FSTL4: variants seen among roughly 807,000 people sequenced by gnomAD.
The protein encoded by FSTL4 is follistatin like 4, also known as follistatin-related protein 4.
Under a neutral mutation model 78.2 loss-of-function variants are expected in FSTL4, and 28 were observed. That is an observed-to-expected ratio of 0.36 (90% CI 0.27 to 0.49). The LOEUF (loss-of-function observed/expected upper bound fraction) is 0.49, where lower values mean the gene tolerates loss of function less well. Ranked by LOEUF, FSTL4 falls within the 20% of genes least tolerant of loss-of-function variation. The pLI is 0.98. For missense variants in FSTL4, 922 were observed against 1,084.9 expected (o/e 0.85, Z 2.11); for synonymous variants, 422 against 440.5 (o/e 0.96, Z 0.53).
chr5:133,639,281 A>G, the FSTL4 span, among the ~76,000 whole-genome samples: 1 of 152,138 alleles, frequency 6.6e-6, no homozygotes, highest in African/African-American at 2.4e-5. Flanking sequence ...ACTTTTATCT[A>G]TTGGGTTCAT....
At chr5:133,470,154 A>G (rs1171390357) in intron 3 of FSTL4, among the ~76,000 whole-genome samples, 3 of 152,074 alleles carry the variant, frequency 2.0e-5, no homozygotes, top group African/African-American at 7.3e-5. Flanking sequence ...CTTCCAGTCA[A>G]CCCTTGTGCT....
chr5:133,415,748 G>A (rs913364253), intron 3 of FSTL4, among the ~76,000 whole-genome samples: 3 of 152,166 alleles, frequency 2.0e-5, no homozygotes, highest in Non-Finnish European at 2.9e-5. Context: ...CGTGGCAGGG[G>A]CAGGAGGTTA....
chr5:133,231,188 A>T (rs1751485968), intron 8 of FSTL4, among the ~76,000 whole-genome samples: 2 of 152,048 alleles, frequency 1.3e-5, no homozygotes, highest in South Asian at 2.1e-4. Context: ...TGGAAAAAAA[A>T]AAAAACCCTT....
chr5:133,292,249 G>A (rs1004938083), intron 6 of FSTL4, among the ~76,000 whole-genome samples: 1 of 152,170 alleles, frequency 6.6e-6, no homozygotes, highest in African/African-American at 2.4e-5. Context: ...TCTCTGACCC[G>A]TGGCTCCCAA....
In FSTL4 at chr5:133,225,907, G is replaced by C. The variant is rs1751318673; in HGVS notation, c.1016-88C>G. On this transcript the variant is annotated intron_variant, in intron 8 of 15. Coordinates refer to ENST00000265342, the MANE Select transcript of FSTL4 (RefSeq NM_015082.2). This position sits in a 1 kb window ranked among gnomAD's most constrained non-coding sequence, Gnocchi z 4.6. ...CCCAACCTGAGACCCTGCTCCAGAGGGGGTGAACCCAAGTAGGTGACTGGA... is the reference window on the plus strand; with the variant it reads ...CCCAACCTGAGACCCTGCTCCAGAGCGGGTGAACCCAAGTAGGTGACTGGA... 7 of 1,021,460 alleles carry C rather than the reference G, an allele frequency of 6.9e-6. No homozygotes were observed. The Admixed American group carries it at 1.4e-4, about 20-fold the overall frequency. 63.3% of individuals were successfully genotyped at this position (1,021,460 alleles called of 1,614,324 possible).
chr5:133,471,175 T>C lies in FSTL4; in HGVS notation c.161-70189A>G, dbSNP rs1244001909. On this transcript the variant is annotated intron_variant, in intron 3 of 15. Transcript: ENST00000265342. ...ATTTTTTTGCATTAATTTTGATTTG[T>C]AAAATATTGCATTAAAATATTATTT... Among the ~76,000 whole-genome samples the C allele has an allele frequency of 2.0e-5, 3 of 152,226 alleles. No homozygotes were observed. In the East Asian group the frequency reaches 5.8e-4, roughly 29 times the overall value.
chr5:133,665,791 T>C, the FSTL4 span, among the ~76,000 whole-genome samples: 1 of 152,336 alleles, frequency 6.6e-6, no homozygotes, highest in East Asian at 1.9e-4. Context: ...CCCCCTCCTC[T>C]GTATTCTAAA....
chr5:133,593,054 G>T (rs1456061763), intron 2 of FSTL4, among the ~76,000 whole-genome samples: 1 of 152,140 alleles, frequency 6.6e-6, no homozygotes, highest in Non-Finnish European at 1.5e-5. Flanking sequence ...GGCCACCGGG[G>T]TGGTAGTGTC....
At chr5:133,308,344 T>C (rs541181974) in intron 6 of FSTL4, among the ~76,000 whole-genome samples, 78 of 152,358 alleles carry the variant, frequency 5.1e-4, no homozygotes, top group Admixed American at 7.2e-4. Flanking sequence ...AAATTTTTGA[T>C]GAACCCCATG....
At chr5:133,353,805 C>T (rs1238338793) in intron 4 of FSTL4, among the ~76,000 whole-genome samples, 1 of 152,246 alleles carries the variant, frequency 6.6e-6, no homozygotes, top group Admixed American at 6.5e-5. Flanking sequence ...CTTTGTTCAC[C>T]ACGGGCCTCT....
At chr5:133,666,802 T>C in the FSTL4 span, among the ~76,000 whole-genome samples, 1 of 152,196 alleles carries the variant, frequency 6.6e-6, no homozygotes, top group African/African-American at 2.4e-5. Context: ...GAATAGAAAT[T>C]AAGAAGGTTG....
intron 6 of FSTL4, chr5:133,270,249 C>T (rs1376282528): frequency 2.0e-5 from 3 of 152,096 alleles, no homozygotes; most frequent in African/African-American, 7.2e-5. Context: ...CTTAAATCAC[C>T]GTGTTGTCAT....
At chr5:133,332,115 G>C (rs1449689896) in intron 4 of FSTL4, among the ~76,000 whole-genome samples, 1 of 152,220 alleles carries the variant, frequency 6.6e-6, no homozygotes, top group Non-Finnish European at 1.5e-5. Flanking sequence ...CAGCAAACCA[G>C]GTGTGGGTCC....
At chr5:133,523,551 G>C (rs1309010722) in intron 3 of FSTL4, among the ~76,000 whole-genome samples, 1 of 152,006 alleles carries the variant, frequency 6.6e-6, no homozygotes, top group African/African-American at 2.4e-5. Context: ...AATCCAGGCT[G>C]TTACGCCTAT....
At chr5:133,595,892 G>A (rs763905794) in intron 2 of FSTL4, among the ~76,000 whole-genome samples, 8 of 152,212 alleles carry the variant, frequency 5.3e-5, no homozygotes, top group Non-Finnish European at 1.0e-4. Context: ...AGCCTCCGGG[G>A]CCCTCTGAGT....
the FSTL4 span, among the ~76,000 whole-genome samples, chr5:133,739,421 A>G: frequency 2.6e-5 from 4 of 152,184 alleles, no homozygotes; most frequent in Admixed American, 2.0e-4. Flanking sequence ...CACTGCCAGC[A>G]GAACATCAAG....
At chr5:133,825,628 G>T in the FSTL4 span, among the ~76,000 whole-genome samples, 1 of 152,196 alleles carries the variant, frequency 6.6e-6, no homozygotes, top group Non-Finnish European at 1.5e-5. Context: ...TCCTAACAAG[G>T]CTTCACCAGG....
chr5:133,769,875 C>A, the FSTL4 span, among the ~76,000 whole-genome samples: 56 of 152,150 alleles, frequency 3.7e-4, no homozygotes, highest in African/African-American at 1.3e-3. Flanking sequence ...CCTTTTGTAG[C>A]CTTTGGTGTC....
At chr5:133,368,938 C>T (rs1466943392) in intron 4 of FSTL4, among the ~76,000 whole-genome samples, 1 of 152,220 alleles carries the variant, frequency 6.6e-6, no homozygotes, top group African/African-American at 2.4e-5. Context: ...CTAGTGCCAA[C>T]TGGCTTTTTC....
Sources: allele counts gnomAD v4.1 joint callset (sites outside exome capture counted in the v4.1 genomes callset), GRCh38; gene constraint gnomAD v4.1.1; non-coding constraint Gnocchi (gnomAD v3.1); transcripts MANE v1.5; gene names NCBI Gene and HGNC (gene_info 2026-07-23, HGNC 2026-07-21).